STK33: variants seen among roughly 807,000 people sequenced by gnomAD.
The protein encoded by STK33 is serine/threonine-protein kinase 33.
A neutral mutation model predicts 58.0 loss-of-function variants in STK33; 52 were observed. The observed-to-expected ratio is 0.90, with a 90% CI of 0.72 to 1.13. The LOEUF (loss-of-function observed/expected upper bound fraction) is 1.13. Among genes scored for constraint, STK33 ranks in the 50% most tolerant of loss-of-function variants. STK33 has a pLI of 0.00. For missense variants in STK33, 630 were observed against 604.2 expected (o/e 1.04, Z -0.45); for synonymous variants, 215 against 200.1 (o/e 1.07, Z -0.63).
At chr11:8,395,656 T>C (rs1345781150) in intron 15 of STK33, among the ~76,000 whole-genome samples, 1 of 152,238 alleles carries the variant, frequency 6.6e-6, no homozygotes, top group African/African-American at 2.4e-5. Flanking sequence ...CATTCTTTTT[T>C]CTGGCTATGC....
At chr11:8,523,674 G>A (rs1411795401) in intron 1 of STK33, among the ~76,000 whole-genome samples, 4 of 148,552 alleles carry the variant, frequency 2.7e-5, no homozygotes, top group Non-Finnish European at 6.0e-5. Context: ...GGCAGCCCCC[G>A]CCAGGCAGCC....
At chr11:8,430,117 T>G (rs1473934714) in intron 14 of STK33, among the ~76,000 whole-genome samples, 2 of 152,168 alleles carry the variant, frequency 1.3e-5, no homozygotes, top group African/African-American at 4.8e-5. Flanking sequence ...TGTAAACTCT[T>G]AGGGTCTAGA....
At chr11:8,474,651 G>T in intron 5 of STK33, 30 bp downstream of exon 5, 1 of 1,532,770 alleles carries the variant, frequency 6.5e-7, no homozygotes, top group Non-Finnish European at 8.9e-7. Context: ...ATGTCAACTT[G>T]TGCTTAGATG....
chr11:8,519,351 G>A (rs540413386), intron 1 of STK33, among the ~76,000 whole-genome samples: 3 of 152,176 alleles, frequency 2.0e-5, no homozygotes, highest in Non-Finnish European at 4.4e-5. Flanking sequence ...AGTGTATAGA[G>A]GGAAATTTAT....
chr11:8,484,247 T>C (rs1950048309), intron 1 of STK33, among the ~76,000 whole-genome samples: 1 of 152,182 alleles, frequency 6.6e-6, no homozygotes. Context: ...GTTTTAGGGA[T>C]AAGGTATCAT....
intron 1 of STK33, among the ~76,000 whole-genome samples, chr11:8,509,037 G>T (rs1482027290): frequency 6.7e-6 from 1 of 148,614 alleles, no homozygotes; most frequent in African/African-American, 2.5e-5. Context: ...AATCACTTGA[G>T]CCCAGGAGGC....
chr11:8,505,338 C>G (rs574617273), intron 1 of STK33, among the ~76,000 whole-genome samples: 19 of 152,260 alleles, frequency 1.2e-4, no homozygotes, highest in African/African-American at 4.6e-4. Context: ...TTGGAAGGAG[C>G]CTTAGAAGGC....
intron 11 of STK33, among the ~76,000 whole-genome samples, chr11:8,445,863 A>G (rs1945382207): frequency 1.3e-5 from 2 of 152,290 alleles, no homozygotes; most frequent in African/African-American, 4.8e-5. Context: ...TGTCTCTGCC[A>G]GGTTTTGGTA....
intron 1 of STK33, among the ~76,000 whole-genome samples, chr11:8,539,405 G>C (rs945177324): frequency 1.3e-5 from 2 of 152,084 alleles, no homozygotes; most frequent in Non-Finnish European, 2.9e-5. Context: ...GATCGTTTAA[G>C]AATCAGTGTA....
At chr11:8,458,097 T>A (rs535727222) in intron 8 of STK33, among the ~76,000 whole-genome samples, 1 of 152,168 alleles carries the variant, frequency 6.6e-6, no homozygotes, top group Admixed American at 6.5e-5. Flanking sequence ...AGTGCCGGGG[T>A]TGCGGGGTGC....
the STK33 span, among the ~76,000 whole-genome samples, chr11:8,384,251 C>A: frequency 3.9e-5 from 6 of 152,152 alleles, no homozygotes; most frequent in Admixed American, 2.0e-4. Flanking sequence ...GAGTCAGGAG[C>A]TGAAGGAACA....
chr11:8,380,749 A>G, the STK33 span, among the ~76,000 whole-genome samples: 1 of 152,230 alleles, frequency 6.6e-6, no homozygotes, highest in Admixed American at 6.5e-5. Context: ...TACCCAAAGG[A>G]AAATAAATCA....
chr11:8,537,392 C>T lies in STK33; in HGVS notation c.-466+56691G>A, dbSNP rs564133938. On this transcript the variant is annotated intron_variant, in intron 1 of 15. Coordinates refer to ENST00000687296, the MANE Select transcript of STK33 (RefSeq NM_001352389.2). ...GGCGTAAACCACCATGCCTGGCCCC[C>T]GCCTTTTTTAAATTTTGTTTCAAGT... Among the ~76,000 whole-genome samples the T allele has an allele frequency of 1.3e-4, 20 of 152,086 alleles. 1 individual carries two copies. The South Asian group carries it at 1.5e-3, about 11-fold the overall frequency.
At chr11:8,553,167 A>AATATATATATATATATATAT (rs56363010) in intron 1 of STK33, among the ~76,000 whole-genome samples, 8 of 68,176 alleles carry the variant, frequency 1.2e-4, no homozygotes, top group Admixed American at 2.2e-4. Flanking sequence ...CCAAAAATAA[A>AATATATATATATATATATAT]ATATATATAT....
chr11:8,537,826 TAAA>T (rs1322304509), intron 1 of STK33, among the ~76,000 whole-genome samples: 1 of 143,376 alleles, frequency 7.0e-6, no homozygotes, highest in Non-Finnish European at 1.5e-5. Context: ...AAAAAAAAAT[TAAA>T]AAAATAATAA....
chr11:8,451,944 T>C (rs1186044266), intron 11 of STK33, among the ~76,000 whole-genome samples: 5 of 152,044 alleles, frequency 3.3e-5, no homozygotes, highest in African/African-American at 9.7e-5. Context: ...GTGGCTCACG[T>C]CTGTAATCTC....
intron 9 of STK33, among the ~76,000 whole-genome samples, chr11:8,456,950 T>C (rs543573813): frequency 2.0e-5 from 3 of 152,192 alleles, no homozygotes; most frequent in South Asian, 4.1e-4. Flanking sequence ...CTCTCTACCT[T>C]TGGCTCAGTT....
chr11:8,343,601 A>G, the STK33 span, among the ~76,000 whole-genome samples: 2 of 152,158 alleles, frequency 1.3e-5, no homozygotes, highest in Admixed American at 1.3e-4. Context: ...CACTCTCACC[A>G]TGGCAGCTGC....
intron 15 of STK33, among the ~76,000 whole-genome samples, chr11:8,393,535 G>T (rs1401492330): frequency 6.6e-6 from 1 of 152,138 alleles, no homozygotes; most frequent in East Asian, 1.9e-4. Context: ...AAAGAGTAGA[G>T]ATTGTCTCAG....
Sources: gnomAD v4.1 joint callset for allele counts (sites outside exome capture counted in the v4.1 genomes callset) on GRCh38, gnomAD v4.1.1 for gene constraint, MANE v1.5 for transcripts, NCBI Gene and HGNC (gene_info 2026-07-23, HGNC 2026-07-21) for gene names.